Variants in PCDHGC3 observed in about 807,000 individuals in gnomAD.
PCDHGC3 encodes the protein protocadherin gamma subfamily C, 3, also known as protocadherin gamma-C3.
PCDHGC3 carries 26 observed loss-of-function variants against 59.2 expected under a neutral mutation model. The observed-to-expected ratio is 0.44, with a 90% CI of 0.32 to 0.61. PCDHGC3 has a LOEUF of 0.61. PCDHGC3 is among the 20% of genes least tolerant of loss of function. The pLI is 0.05. For synonymous variants in PCDHGC3, 487 were observed against 519.7 expected (o/e 0.94, Z 0.86); for missense variants, 1,080 against 1,221.8 (o/e 0.88, Z 1.73).
intron 2 of PCDHGC3, among the ~76,000 whole-genome samples, chr5:141,495,607 A>G (rs1484333463): frequency 1.3e-5 from 2 of 151,832 alleles, no homozygotes; most frequent in Admixed American, 1.3e-4. Flanking sequence ...TTCCGTCTTG[A>G]TTGCTGCACC....
chr5:141,491,034 T>A lies in PCDHGC3; in HGVS notation c.2431-3773T>A. On this transcript the variant is annotated intron_variant, in intron 1 of 3. Coordinates refer to ENST00000308177, the MANE Select transcript of PCDHGC3 (RefSeq NM_002588.4). This position sits in a 1 kb window ranked among gnomAD's most constrained non-coding sequence, Gnocchi z 6.9. ...CCAAGGTGACAGCCGTGGATGCTGA[T>A]GCAGGCCACAATGCGTGGCTCTCCT... 1 of 1,614,170 alleles carries A rather than the reference T, an allele frequency of 6.2e-7. No individual in the cohort carries two copies. Among genetic ancestry groups the A allele is most frequent in the African/African-American group, 1.3e-5 (1 of 75,074 alleles).
At chr5:141,510,873 T>A in intron 3 of PCDHGC3, 74 bp from the exon 4 acceptor site, 1 of 1,609,964 alleles carries the variant, frequency 6.2e-7, no homozygotes, top group Non-Finnish European at 8.5e-7. Flanking sequence ...ATTCATTAAC[T>A]GCTGGGGATA....
chr5:141,494,751 G>A, intron 1 of PCDHGC3, 56 bp from the exon 2 acceptor site: 2 of 1,613,426 alleles, frequency 1.2e-6, no homozygotes, highest in Non-Finnish European at 8.5e-7. Flanking sequence ...AGGGGCTCGG[G>A]TGACATTCTA....
At position 141,490,908 on chromosome 5, in the gene PCDHGC3, C is replaced by G; in HGVS notation, c.2431-3899C>G. On this transcript the variant is annotated intron_variant, in intron 1 of 3. Transcript: ENST00000308177. This position sits in a 1 kb window ranked among gnomAD's most constrained non-coding sequence, Gnocchi z 5.4. ...CATCTCTGCATGTGTTTGTCCTAGA[C>G]GAGAATGATAATGCCCCAGCTGTGC... The G allele has an allele frequency of 6.2e-7, 1 of 1,613,710 alleles. No individual in the cohort carries two copies. Among genetic ancestry groups the G allele is most frequent in the Non-Finnish European group, 8.5e-7 (1 of 1,179,754 alleles).
At position 141,510,842 on chromosome 5, in the gene PCDHGC3, G is replaced by A. The variant is rs531098325; in HGVS notation, c.2579-105G>A. 8.7e-5 allele frequency: 138 copies of A among 1,590,280 alleles called. No homozygotes were observed. The African/African-American group carries it at 1.7e-3, about 19-fold the overall frequency. ...TATTCCCAGTGCTCAGCGTGGTCAA[G>A]GCCCAGGGTGCTGTATAGGCATTCA... On this transcript the variant is annotated intron_variant, in intron 3 of 3. Coordinates refer to ENST00000308177, the MANE Select transcript of PCDHGC3 (RefSeq NM_002588.4).
rs2099624499 is a variant in PCDHGC3, at chr5:141,486,100, C to A, written c.2430+7554C>A. The A allele has an allele frequency of 6.2e-7, 1 of 1,614,072 alleles. No homozygotes were observed. The highest frequency in any genetic ancestry group is 1.3e-5 in the African/African-American group (1 of 74,930). ...AGCTTACTCTTTTGGGGCCCCTAGA[C>A]TTTGAGAGTGAGAATTACTATGAAT... On this transcript the variant is annotated intron_variant, in intron 1 of 3. Coordinates refer to ENST00000308177, the MANE Select transcript of PCDHGC3 (RefSeq NM_002588.4). This position sits in a 1 kb window ranked among gnomAD's most constrained non-coding sequence, Gnocchi z 5.0.
chr5:141,478,623 G>A, intron 1 of PCDHGC3, 77 bp downstream of exon 1: 2 of 1,554,358 alleles, frequency 1.3e-6, no homozygotes, highest in Non-Finnish European at 1.7e-6. Flanking sequence ...GAATGGAGCT[G>A]TTTTTTTAGT....
At position 141,485,301 on chromosome 5, in the gene PCDHGC3, C is replaced by T; in HGVS notation, c.2430+6755C>T. 1 of 1,614,124 alleles carries T rather than the reference C, an allele frequency of 6.2e-7. No homozygotes were observed. The highest frequency in any genetic ancestry group is 1.1e-5 in the South Asian group (1 of 91,082). The stretch of plus-strand genomic sequence containing the variant: ...GTCCCAGAGGAGTCACAGGAAGGGA[C>T]TTTTGTAGGGAATGTCGCTCAAGAT... On this transcript the variant is annotated intron_variant, in intron 1 of 3. Coordinates refer to ENST00000308177, the MANE Select transcript of PCDHGC3 (RefSeq NM_002588.4). This position sits in a 1 kb window ranked among gnomAD's most constrained non-coding sequence, Gnocchi z 5.7.
chr5:141,485,888 G>T lies in PCDHGC3; in HGVS notation c.2430+7342G>T, dbSNP rs1166795987. 3 of 1,614,028 alleles carry T rather than the reference G, an allele frequency of 1.9e-6. No homozygotes were observed. The highest frequency in any genetic ancestry group is 2.5e-6 in the Non-Finnish European group (3 of 1,180,032). ...ATCCGTGCTGGACGTAAACGACAAC[G>T]CCCCAGCCTTCCAGCAATCCAGCTA... On this transcript the variant is annotated intron_variant, in intron 1 of 3. Coordinates refer to ENST00000308177, the MANE Select transcript of PCDHGC3 (RefSeq NM_002588.4). The surrounding 1 kb of genome is among the most constrained non-coding windows in gnomAD (Gnocchi z 5.7).
At position 141,478,008 on chromosome 5, in the gene PCDHGC3, C is replaced by T; in HGVS notation, c.1892C>T (p.Ala631Val). Residue 631 changes from alanine (A) to valine (V), a missense_variant, in exon 1 of 4, where the codon GCC becomes GTC. Ala to Val is a moderately conservative substitution (Grantham distance 64). Transcript: ENST00000308177. ...IGLHTGQIST[A>V]RPVQDTDSPR... Reference sequence around the variant, plus strand: ...CTGCACACTGGTCAAATCAGTACTGCCCGTCCAGTCCAAGACACAGATTCA... The same window carrying T: ...CTGCACACTGGTCAAATCAGTACTGTCCGTCCAGTCCAAGACACAGATTCA... 6.2e-7 allele frequency: 1 copy of T among 1,614,124 alleles called. No homozygotes were observed. The highest frequency in any genetic ancestry group is 8.5e-7 in the Non-Finnish European group (1 of 1,180,036).
chr5:141,486,322 A>G lies in PCDHGC3; in HGVS notation c.2430+7776A>G. The G allele has an allele frequency of 1.9e-6, 3 of 1,613,926 alleles. No homozygotes were observed. The highest frequency in any genetic ancestry group is 2.5e-6 in the Non-Finnish European group (3 of 1,179,962). On this transcript the variant is annotated intron_variant, in intron 1 of 3. Coordinates refer to ENST00000308177, the MANE Select transcript of PCDHGC3 (RefSeq NM_002588.4). This position sits in a 1 kb window ranked among gnomAD's most constrained non-coding sequence, Gnocchi z 5.0. ...AGGATCCAGACTCAGGGTCAAACGG[A>G]GATGTGAGCCTCCGCATTCCTGACC...
Position 141,477,649 on chromosome 5 carries a change from A to G in PCDHGC3, c.1533A>G (p.Thr511=), listed in dbSNP as rs2099415032. 3.7e-6 allele frequency: 6 copies of G among 1,614,076 alleles called. No individual in the cohort carries two copies. Among genetic ancestry groups the G allele is most frequent in the Non-Finnish European group, 5.1e-6 (6 of 1,180,048 alleles). ...AETGLVGRYF[T]INRDNGIVSS... ...CCGGGCTAGTGGGTCGCTATTTCAC[A>G]ATAAATCGTGACAATGGCATAGTGT... The change falls in exon 1 of 4, where the codon ACA becomes ACG. Residue 511 remains threonine (T), a synonymous_variant. Transcript: ENST00000308177. The surrounding 1 kb of genome is among the most constrained non-coding windows in gnomAD (Gnocchi z 4.9).
In PCDHGC3 at chr5:141,489,984, T is replaced by C; in HGVS notation, c.2431-4823T>C. The C allele has an allele frequency of 1.2e-6, 2 of 1,614,212 alleles. No homozygotes were observed. Among genetic ancestry groups the C allele is most frequent in the South Asian group, 1.1e-5 (1 of 91,090 alleles). ...CAACCTTCCAATCCTCAGTTCTACG[T>C]GTGGGAATCCCAGAGAATGCACCCA... On this transcript the variant is annotated intron_variant, in intron 1 of 3. Transcript: ENST00000308177. The surrounding 1 kb of genome is among the most constrained non-coding windows in gnomAD (Gnocchi z 4.5).
chr5:141,496,160 G>C (rs1428576442), intron 2 of PCDHGC3, among the ~76,000 whole-genome samples: 2 of 151,600 alleles, frequency 1.3e-5, no homozygotes, highest in Admixed American at 6.6e-5. Flanking sequence ...CTCTCCACCA[G>C]ACACCCTCCC....
intron 2 of PCDHGC3, among the ~76,000 whole-genome samples, chr5:141,498,277 G>T (rs1216561939): frequency 6.6e-6 from 1 of 151,924 alleles, no homozygotes; most frequent in African/African-American, 2.4e-5. Flanking sequence ...CAGTAAACTT[G>T]GTTCAAGATC....
At chr5:141,500,877 A>ATT (rs369345007) in intron 2 of PCDHGC3, among the ~76,000 whole-genome samples, 3 of 122,284 alleles carry the variant, frequency 2.5e-5, no homozygotes, top group Admixed American at 2.4e-4. Flanking sequence ...TTCATTTACA[A>ATT]TTTTTTTTTT....
At chr5:141,502,907 G>C (rs1335363561) in intron 2 of PCDHGC3, among the ~76,000 whole-genome samples, 2 of 138,924 alleles carry the variant, frequency 1.4e-5, no homozygotes, top group Non-Finnish European at 3.0e-5. Context: ...CTGTTGCCAG[G>C]CTGGAGTGCA....
chr5:141,490,010 T>C lies in PCDHGC3; in HGVS notation c.2431-4797T>C, dbSNP rs749356078. On this transcript the variant is annotated intron_variant, in intron 1 of 3. Coordinates refer to ENST00000308177, the MANE Select transcript of PCDHGC3 (RefSeq NM_002588.4). The surrounding 1 kb of genome is among the most constrained non-coding windows in gnomAD (Gnocchi z 5.4). ...GTGGGAATCCCAGAGAATGCACCCA[T>C]TGGTACTCTGCTGCTCCGCCTCAAT... 11 of 1,614,198 alleles carry C rather than the reference T, an allele frequency of 6.8e-6. No homozygotes were observed. The highest frequency in any genetic ancestry group is 2.2e-5 in the South Asian group (2 of 91,082).
chr5:141,477,296 G>C lies in PCDHGC3; in HGVS notation c.1180G>C (p.Gly394Arg). Residue 394 changes from glycine to arginine, a missense_variant, in exon 1 of 4, where the codon GGT becomes CGT. Transcript: ENST00000308177. This position sits in a 1 kb window ranked among gnomAD's most constrained non-coding sequence, Gnocchi z 4.9. ...NGLVTCEVPP[G>R]LPFSLTSSLK... ...GCTGGTGACCTGCGAAGTTCCACCG[G>C]GTCTCCCTTTCAGCCTTACTTCTTC... 3 of 1,614,064 alleles carry C rather than the reference G, an allele frequency of 1.9e-6. No individual in the cohort carries two copies. Among genetic ancestry groups the C allele is most frequent in the African/African-American group, 1.3e-5 (1 of 75,014 alleles).
Sources: allele counts gnomAD v4.1 joint callset (sites outside exome capture counted in the v4.1 genomes callset), GRCh38; gene constraint gnomAD v4.1.1; non-coding constraint Gnocchi (gnomAD v3.1); transcripts MANE v1.5; gene names NCBI Gene and HGNC (gene_info 2026-07-23, HGNC 2026-07-21).